Variants in RNF19A observed in about 807,000 individuals in gnomAD.
RNF19A encodes ring finger protein 19A, RBR E3 ubiquitin protein ligase.
RNF19A carries 32 observed loss-of-function variants against 75.7 expected under a neutral mutation model. That is an observed-to-expected ratio of 0.42 (90% confidence interval 0.32 to 0.57). RNF19A has a LOEUF of 0.57. Ranked by LOEUF, RNF19A falls within the 20% of genes least tolerant of loss-of-function variation. RNF19A has a pLI of 0.10. For synonymous variants in RNF19A, 335 were observed against 345.2 expected, an observed-to-expected ratio of 0.97 and a Z score of 0.33; for missense variants, 782 against 1,036.3, an observed-to-expected ratio of 0.75 and a Z score of 3.37.
intron 2 of RNF19A, among the ~76,000 whole-genome samples, chr8:100,285,557 T>C (rs1820977254): frequency 6.6e-6 from 1 of 152,162 alleles, no homozygotes; most frequent in South Asian, 2.1e-4. Flanking sequence ...AAGGTTTGTG[T>C]CCCTGAATTT....
At chr8:100,270,725 C>T (rs1346779382) in intron 3 of RNF19A, among the ~76,000 whole-genome samples, 1 of 152,070 alleles carries the variant, frequency 6.6e-6, no homozygotes, top group Non-Finnish European at 1.5e-5. Context: ...AGAATAAAAG[C>T]AATCATTGTT....
chr8:100,274,855 G>A (rs937603986), intron 3 of RNF19A, 98 bp downstream of exon 3: 18 of 919,468 alleles, frequency 2.0e-5, no homozygotes, highest in African/African-American at 8.4e-5. Flanking sequence ...AAACACTTTC[G>A]GCAAGTGAAA....
upstream of RNF19A, among the ~76,000 whole-genome samples, chr8:100,310,870 C>T (rs1822276601): frequency 6.6e-6 from 1 of 152,116 alleles, no homozygotes; most frequent in Non-Finnish European, 1.5e-5. Context: ...CATATCTTTT[C>T]AGCCAGTCAT....
chr8:100,290,698 G>A (rs899030285), intron 1 of RNF19A, among the ~76,000 whole-genome samples: 1 of 152,174 alleles, frequency 6.6e-6, no homozygotes, highest in Admixed American at 6.5e-5. Flanking sequence ...GATACATTCT[G>A]AGAAATGTGT....
Position 100,325,479 on chromosome 8 carries a change from A to G in RNF19A, c.-243+10629T>C, listed in dbSNP as rs765897368. ...GGTGAGACCACACCTTGTCACCTCT[A>G]GGTCCTCCCTTTTCAGTAAGTGACC... is the stretch of plus-strand genomic sequence containing the variant. On this transcript the variant is annotated intron_variant, in intron 1 of 3. Coordinates refer to the RNF19A transcript ENST00000519527. This position sits in a 1 kb window ranked among gnomAD's most constrained non-coding sequence, Gnocchi z 4.3. 1.3e-5 allele frequency among the ~76,000 whole-genome samples: 2 copies of G among 152,132 alleles called. No homozygotes were observed. The highest frequency in any genetic ancestry group is 2.1e-4 in the South Asian group (1 of 4,824).
intron 1 of RNF19A, among the ~76,000 whole-genome samples, chr8:100,299,629 C>T (rs930390071): frequency 2.6e-5 from 4 of 152,136 alleles, no homozygotes; most frequent in African/African-American, 9.7e-5. Context: ...TGTGGTGGCA[C>T]ATGCCTTTAA....
chr8:100,319,486 C>A (rs1195942461), intron 1 of RNF19A, among the ~76,000 whole-genome samples: 2 of 151,742 alleles, frequency 1.3e-5, no homozygotes, highest in Non-Finnish European at 2.9e-5. Context: ...TCCTTTCTTC[C>A]CTCAAGTAAC....
Position 100,287,260 on chromosome 8 carries a change from C to G in RNF19A, c.674+241G>C, listed in dbSNP as rs966769186. ...TATACAACTAGATCCTGTACTCTAC[C>G]ACCTTACCCTTTCCTTCTAAAAGTG... On this transcript the variant is annotated intron_variant, in intron 2 of 9. Transcript: ENST00000341084. This position sits in a 1 kb window ranked among gnomAD's most constrained non-coding sequence, Gnocchi z 4.1. Among the ~76,000 whole-genome samples the G allele has an allele frequency of 4.6e-5, 7 of 152,026 alleles. No homozygotes were observed. Among genetic ancestry groups the G allele is most frequent in the African/African-American group, 7.2e-5 (3 of 41,380 alleles).
chr8:100,313,676 C>T (rs747135019), upstream of RNF19A, among the ~76,000 whole-genome samples: 2 of 152,136 alleles, frequency 1.3e-5, no homozygotes, highest in Non-Finnish European at 2.9e-5. Context: ...AAGGATCACT[C>T]AGGCTGTTCT....
At position 100,323,619 on chromosome 8, in the gene RNF19A, A is replaced by G. The variant is rs998300889; in HGVS notation, c.-242-10247T>C. Among the ~76,000 whole-genome samples the G allele has an allele frequency of 5.3e-5, 8 of 152,246 alleles. No homozygotes were observed. The highest frequency in any genetic ancestry group is 1.9e-4 in the African/African-American group (8 of 41,470). On this transcript the variant is annotated intron_variant, in intron 1 of 3. Coordinates refer to the RNF19A transcript ENST00000519527. The surrounding 1 kb of genome is among the most constrained non-coding windows in gnomAD (Gnocchi z 4.6). ...CATCTACCTTTGCCAGGGGAATCCC[A>G]TTAGAAATGTGTTAGAGGAAGACAT... is the stretch of plus-strand genomic sequence containing the variant.
intron 1 of RNF19A, chr8:100,303,130 T>C (rs1029633692): frequency 1.3e-5 from 2 of 152,212 alleles, no homozygotes; most frequent in African/African-American, 4.8e-5. Context: ...CACAAACTGG[T>C]TGGCTTAAGA....
At position 100,288,245 on chromosome 8, in the gene RNF19A, A is replaced by G. The variant is rs1258444057; in HGVS notation, c.-71T>C. The G allele has an allele frequency of 1.4e-6, 2 of 1,463,338 alleles. No homozygotes were observed. The highest frequency in any genetic ancestry group is 1.4e-5 in the African/African-American group (1 of 71,124). 90.6% of individuals were successfully genotyped at this position (1,463,338 alleles called of 1,614,324 possible). A position where few individuals can be genotyped will look rare whatever the true frequency, so the allele number is the denominator to read the frequency against. On this transcript the variant is annotated 5_prime_UTR_variant, in exon 2 of 10. Transcript: ENST00000341084. ...AGAATTCTTGAAAAGTTCGATTTAC[A>G]GAAGACTGCTATCATGGATGTTCTG...
Position 100,275,113 on chromosome 8 carries a change from A to G in RNF19A, c.723T>C (p.Cys241=), listed in dbSNP as rs779067750. 2.5e-6 allele frequency: 4 copies of G among 1,614,018 alleles called. No individual in the cohort carries two copies. In the African/African-American group the frequency reaches 5.3e-5, roughly 22 times the overall value. The part of the protein sequence containing the change: ...FGCASCPKLT[C]GREGCGTEFC... Reference sequence around the variant, plus strand: ...ACTCTGTTCCACAGCCCTCTCGCCCACAAGTTAATTTTGGACAGCTGGCAC... The same window carrying G: ...ACTCTGTTCCACAGCCCTCTCGCCCGCAAGTTAATTTTGGACAGCTGGCAC... Residue 241 remains cysteine, a synonymous_variant, in exon 3 of 10, where the codon TGT becomes TGC. Coordinates refer to ENST00000341084, the MANE Select transcript of RNF19A (RefSeq NM_183419.4). The surrounding 1 kb of genome is among the most constrained non-coding windows in gnomAD (Gnocchi z 4.3).
intron 1 of RNF19A, among the ~76,000 whole-genome samples, chr8:100,299,027 TGAA>T (rs1247840092): frequency 6.6e-6 from 1 of 152,184 alleles, no homozygotes; most frequent in Non-Finnish European, 1.5e-5. Context: ...CACACATTGC[TGAA>T]GAGAGACTAA....
upstream of RNF19A, among the ~76,000 whole-genome samples, chr8:100,311,669 G>C (rs1211068349): frequency 7.1e-6 from 1 of 140,350 alleles, no homozygotes; most frequent in Non-Finnish European, 1.5e-5. Flanking sequence ...AGTGAGCAGA[G>C]ATCTCGCCAC....
At position 100,284,207 on chromosome 8, in the gene RNF19A, A is replaced by C. The variant is rs1453467126; in HGVS notation, c.674+3294T>G. Among the ~76,000 whole-genome samples, 1 of 152,216 alleles carries C rather than the reference A, an allele frequency of 6.6e-6. No individual in the cohort carries two copies. The highest frequency in any genetic ancestry group is 1.5e-5 in the Non-Finnish European group (1 of 68,008). The stretch of plus-strand genomic sequence containing the variant: ...AAAGATCTCACTTAATCCTTATAAC[A>C]ACAAGATAGGATAGGGACTCAAAAT... On this transcript the variant is annotated intron_variant, in intron 2 of 9. Coordinates refer to ENST00000341084, the MANE Select transcript of RNF19A (RefSeq NM_183419.4). This position sits in a 1 kb window ranked among gnomAD's most constrained non-coding sequence, Gnocchi z 4.3.
chr8:100,288,237 C>A lies in RNF19A; in HGVS notation c.-63G>T. ...TCCTTCAGAGAATTCTTGAAAAGTT[C>A]GATTTACAGAAGACTGCTATCATGG... On this transcript the variant is annotated 5_prime_UTR_variant, in exon 2 of 10. Coordinates refer to ENST00000341084, the MANE Select transcript of RNF19A (RefSeq NM_183419.4). 2.0e-6 allele frequency: 3 copies of A among 1,465,056 alleles called. No homozygotes were observed. Among genetic ancestry groups the A allele is most frequent in the South Asian group, 1.5e-5 (1 of 67,594 alleles). 90.8% of individuals were successfully genotyped at this position (1,465,056 alleles called of 1,614,324 possible). A position where few individuals can be genotyped will look rare whatever the true frequency, so the allele number is the denominator to read the frequency against.
At chr8:100,291,336 G>A (rs1404534966) in intron 1 of RNF19A, among the ~76,000 whole-genome samples, 1 of 152,188 alleles carries the variant, frequency 6.6e-6, no homozygotes, top group African/African-American at 2.4e-5. Context: ...TATAGCAAGT[G>A]CTTAGTATTA....
At position 100,325,526 on chromosome 8, in the gene RNF19A, T is replaced by TA. The variant is rs1243835552; in HGVS notation, c.-243+10581_-243+10582insT. ...GACCTCTGAACAAGACGTTTCAACT[T>TA]TATATGTACCCAGGAATTTGGATCT... On this transcript the variant is annotated intron_variant, in intron 1 of 3. Transcript: ENST00000519527. The surrounding 1 kb of genome is among the most constrained non-coding windows in gnomAD (Gnocchi z 4.3). Among the ~76,000 whole-genome samples the TA allele has an allele frequency of 3.3e-5, 5 of 152,226 alleles. No homozygotes were observed. The highest frequency in any genetic ancestry group is 1.2e-4 in the African/African-American group (5 of 41,542).
Sources: gnomAD v4.1 joint callset for allele counts (sites outside exome capture counted in the v4.1 genomes callset) on GRCh38, gnomAD v4.1.1 for gene constraint, Gnocchi (gnomAD v3.1) non-coding constraint, MANE v1.5 for transcripts, NCBI Gene and HGNC (gene_info 2026-07-23, HGNC 2026-07-21) for gene names.